Variants in EYS observed in about 807,000 individuals in gnomAD.
EYS encodes the protein protein eyes shut homolog.
In EYS, 250 loss-of-function variants were observed where a neutral mutation model predicts 282.1. The ratio of observed to expected loss-of-function variants is 0.89; its 90% confidence interval spans 0.80 to 0.98. The LOEUF is 0.98. Ranked by LOEUF, EYS falls within the 50% of genes least tolerant of loss-of-function variation. EYS has a pLI of 0.00. For missense variants in EYS, 4,016 were observed against 3,709.0 expected, an observed-to-expected ratio of 1.08 and a Z score of -2.15; for synonymous variants, 1,355 against 1,282.9, an observed-to-expected ratio of 1.06 and a Z score of -1.20.
chr6:63,827,532 T>C (rs1035026055), intron 36 of EYS, among the ~76,000 whole-genome samples: 3 of 152,154 alleles, frequency 2.0e-5, no homozygotes, highest in Non-Finnish European at 4.4e-5. Flanking sequence ...AAAATGAGCC[T>C]CAGTAAATTT....
chr6:64,054,148 A>G (rs1299673834), intron 33 of EYS, among the ~76,000 whole-genome samples: 1 of 152,180 alleles, frequency 6.6e-6, no homozygotes, highest in Non-Finnish European at 1.5e-5. Context: ...GTGAAAAGGA[A>G]GAGATCCTGT....
chr6:64,198,275 G>A (rs1289035952), intron 31 of EYS, among the ~76,000 whole-genome samples: 1 of 151,732 alleles, frequency 6.6e-6, no homozygotes, highest in African/African-American at 2.4e-5. Context: ...CCAAAGGGCT[G>A]GGGTTACAGG....
At chr6:64,416,856 T>C (rs11751191) in intron 28 of EYS, among the ~76,000 whole-genome samples, 1 of 151,974 alleles carries the variant, frequency 6.6e-6, no homozygotes. Flanking sequence ...GATAACCTAA[T>C]AATAATCTTA....
At chr6:65,655,421 GTATA>G (rs1767786607) in intron 1 of EYS, among the ~76,000 whole-genome samples, 1 of 151,484 alleles carries the variant, frequency 6.6e-6, no homozygotes, top group Non-Finnish European at 1.5e-5. Context: ...GTTGTTTATA[GTATA>G]TATAGTATAT....
chr6:63,816,740 G>C (rs952593985), intron 36 of EYS, among the ~76,000 whole-genome samples: 2 of 152,204 alleles, frequency 1.3e-5, no homozygotes, highest in Non-Finnish European at 2.9e-5. Flanking sequence ...GCATGTACAT[G>C]TACGCAAATA....
intron 26 of EYS, among the ~76,000 whole-genome samples, chr6:64,557,479 A>G (rs1472471471): frequency 6.6e-6 from 1 of 151,970 alleles, no homozygotes; most frequent in Non-Finnish European, 1.5e-5. Context: ...CTTATTTCCC[A>G]AGTAAGATTC....
chr6:63,937,345 C>CTTTTT lies in EYS; in HGVS notation c.7055+47033_7055+47037dup, dbSNP rs778809745. Among the ~76,000 whole-genome samples, 132 of 54,312 alleles carry CTTTTT rather than the reference C, an allele frequency of 2.4e-3. 10 individuals carry two copies. The highest frequency in any genetic ancestry group is 3.4e-3 in the Non-Finnish European group (95 of 28,306). 35.6% of individuals were successfully genotyped at this position (54,312 alleles called of 152,430 possible). A position where few individuals can be genotyped will look rare whatever the true frequency, so the allele number is the denominator to read the frequency against. On this transcript the variant is annotated intron_variant, in intron 35 of 42. Transcript: ENST00000503581. ...CAAATTTTCTAGGCTTCTCTCTTTTCTTTTTTTTTTTTTTTTTTTTTTTTT... is the reference window on the plus strand; with the variant it reads ...CAAATTTTCTAGGCTTCTCTCTTTTCTTTTTTTTTTTTTTTTTTTTTTTTTTTTTT...
At chr6:64,634,012 C>T (rs551312267) in intron 22 of EYS, among the ~76,000 whole-genome samples, 1 of 152,206 alleles carries the variant, frequency 6.6e-6, no homozygotes, top group Non-Finnish European at 1.5e-5. Context: ...GAGATAGAGT[C>T]GTGCTCTGAC....
chr6:64,787,036 G>T (rs1774044448), intron 22 of EYS, among the ~76,000 whole-genome samples: 1 of 152,144 alleles, frequency 6.6e-6, no homozygotes, highest in Admixed American at 6.5e-5. Flanking sequence ...CAATCCAATT[G>T]CTCTTGAAGC....
intron 12 of EYS, among the ~76,000 whole-genome samples, chr6:65,181,547 G>T (rs1765384191): frequency 6.6e-6 from 1 of 152,092 alleles, no homozygotes; most frequent in African/African-American, 2.4e-5. Flanking sequence ...TCATTAAAAA[G>T]TCAGGAAACA....
chr6:64,716,795 G>T (rs1296566495), intron 22 of EYS, among the ~76,000 whole-genome samples: 1 of 152,062 alleles, frequency 6.6e-6, no homozygotes, highest in Non-Finnish European at 1.5e-5. Flanking sequence ...AACTCCAAAG[G>T]CTTGTATTTT....
intron 35 of EYS, among the ~76,000 whole-genome samples, chr6:63,905,329 C>CTTTTTTTT (rs377115720): frequency 8.5e-6 from 1 of 118,304 alleles, no homozygotes; most frequent in African/African-American, 3.4e-5. Flanking sequence ...CTTTTTTTTT[C>CTTTTTTTT]TTTTTTTTTT....
At chr6:65,609,834 C>A (rs1765929238) in intron 2 of EYS, among the ~76,000 whole-genome samples, 1 of 152,112 alleles carries the variant, frequency 6.6e-6, no homozygotes, top group Non-Finnish European at 1.5e-5. Context: ...TGTTATGCCA[C>A]TAAAAATATA....
At chr6:64,601,309 T>C (rs1459534037) in intron 24 of EYS, among the ~76,000 whole-genome samples, 3 of 152,106 alleles carry the variant, frequency 2.0e-5, no homozygotes, top group Admixed American at 1.3e-4. Context: ...ACTGCTTATT[T>C]AGAATCATTA....
intron 13 of EYS, among the ~76,000 whole-genome samples, chr6:65,041,399 GAGGGGTCTACATTCCTCTGCCTT>G (rs1772930543): frequency 6.6e-6 from 1 of 151,592 alleles, no homozygotes; most frequent in East Asian, 1.9e-4. Context: ...TTATCTACCT[GAGGGGTCTACATTCCTCTGCCTT>G]AGATGATTCT....
At chr6:65,492,034 CTG>C (rs1249410151) in intron 4 of EYS, among the ~76,000 whole-genome samples, 3 of 152,118 alleles carry the variant, frequency 2.0e-5, no homozygotes, top group Non-Finnish European at 2.9e-5. Context: ...GCATCTAAAA[CTG>C]TGAGAAAATA....
At chr6:64,179,500 T>C (rs1470736781) in intron 31 of EYS, among the ~76,000 whole-genome samples, 2 of 152,098 alleles carry the variant, frequency 1.3e-5, no homozygotes, top group Non-Finnish European at 2.9e-5. Context: ...AAATTCCAGA[T>C]TGATATTCAC....
chr6:65,100,719 CTA>C (rs1175868011), intron 12 of EYS, among the ~76,000 whole-genome samples: 2 of 150,100 alleles, frequency 1.3e-5, no homozygotes, highest in African/African-American at 4.9e-5. Flanking sequence ...TTGGAAAAGT[CTA>C]TTGCTGACTT....
At chr6:64,403,602 C>G (rs1270712408) in intron 28 of EYS, among the ~76,000 whole-genome samples, 1 of 152,160 alleles carries the variant, frequency 6.6e-6, no homozygotes, top group Non-Finnish European at 1.5e-5. Context: ...TGTGATCTGC[C>G]TGCCTCAGCT....
Sources: gnomAD v4.1 joint callset for allele counts (sites outside exome capture counted in the v4.1 genomes callset) on GRCh38, gnomAD v4.1.1 for gene constraint, MANE v1.5 for transcripts, NCBI Gene and HGNC (gene_info 2026-07-23, HGNC 2026-07-21) for gene names.